Variants in NEBL observed in about 807,000 individuals in gnomAD.
NEBL encodes the protein LIM and SH3 protein 2.
Under a neutral mutation model 140.2 loss-of-function variants are expected in NEBL, and 122 were observed. That is an observed-to-expected ratio of 0.87 (90% CI 0.75 to 1.01). The LOEUF (loss-of-function observed/expected upper bound fraction) is 1.01, where lower values mean the gene tolerates loss of function less well. Ranked by LOEUF, NEBL falls within the 50% of genes least tolerant of loss-of-function variation. The pLI, the probability that NEBL is intolerant of heterozygous loss-of-function variation, is 0.00. For synonymous variants in NEBL, 436 were observed against 398.9 expected, an observed-to-expected ratio of 1.09 and a Z score of -1.11; for missense variants, 1,365 against 1,231.3, an observed-to-expected ratio of 1.11 and a Z score of -1.62.
At chr10:21,028,862 C>G (rs1833653489) in intron 2 of NEBL, 2 of 324,026 alleles carry the variant, frequency 6.2e-6, no homozygotes, top group East Asian at 1.2e-4. Context: ...ATTCAATAAT[C>G]ATAAAAATGT....
chr10:20,799,883 G>T (rs1029913692), intron 26 of NEBL, among the ~76,000 whole-genome samples: 1 of 151,928 alleles, frequency 6.6e-6, no homozygotes, highest in Non-Finnish European at 1.5e-5. Flanking sequence ...TGGTAAAATG[G>T]TTACTATAGT....
chr10:21,146,076 T>C (rs1025261059), intron 2 of NEBL, among the ~76,000 whole-genome samples: 1 of 152,074 alleles, frequency 6.6e-6, no homozygotes, highest in African/African-American at 2.4e-5. Context: ...CCAGGCACCA[T>C]GAATAGGGAA....
At position 20,888,194 on chromosome 10, in the gene NEBL, C is replaced by T. The variant is rs768721125; in HGVS notation, c.272G>A (p.Gly91Asp). 1.2e-6 allele frequency: 2 copies of T among 1,607,458 alleles called. No individual in the cohort carries two copies. Among genetic ancestry groups the T allele is most frequent in the Non-Finnish European group, 1.7e-6 (2 of 1,176,804 alleles). ...GAFISEAKYK[G>D]TIKADLSNSL... ...ATTAGAAAGGTCAGCTTTAATGGTG[C>T]CTTTGTATTTTGCCTGGGGGAAAAA... Residue 91 changes from glycine to aspartate, a missense_variant, in exon 4 of 28, where the codon GGC (glycine) becomes GAC (aspartate). Transcript: ENST00000377122.
chr10:21,213,771 CTATTT>C (rs889929184), intron 3 of NEBL, among the ~76,000 whole-genome samples: 3 of 152,106 alleles, frequency 2.0e-5, no homozygotes, highest in African/African-American at 7.2e-5. Flanking sequence ...ATAAATTATT[CTATTT>C]TTACTGCAAA....
At chr10:20,867,873 A>T (rs1844463010) in intron 7 of NEBL, 1 of 151,930 alleles carries the variant, frequency 6.6e-6, no homozygotes, top group Admixed American at 6.6e-5. Context: ...ATTCTATCCT[A>T]CTGATTATTT....
chr10:20,948,599 T>C (rs147713650), intron 4 of NEBL, among the ~76,000 whole-genome samples: 225 of 152,244 alleles, frequency 1.5e-3, no homozygotes, highest in African/African-American at 4.9e-3. Flanking sequence ...GGGGAATAAA[T>C]GGTTAACTGC....
In NEBL at chr10:21,122,776, T is replaced by C. The variant is rs73607597; in HGVS notation, c.164+49607A>G. On this transcript the variant is annotated intron_variant, in intron 2 of 6. Transcript: ENST00000417816. ...CCAGTAGAGATAGCAGTTGAAAATA[T>C]GACAGATCAATTTCCTAAGGAAAAG... Among the ~76,000 whole-genome samples the C allele has an allele frequency of 2.2e-3, 342 of 152,256 alleles. 1 individual carries two copies. Among genetic ancestry groups the C allele is most frequent in the African/African-American group, 7.3e-3 (304 of 41,564 alleles).
chr10:21,220,087 A>G (rs1024659679), intron 3 of NEBL, among the ~76,000 whole-genome samples: 4 of 151,634 alleles, frequency 2.6e-5, no homozygotes, highest in Admixed American at 2.0e-4. Flanking sequence ...TAATTTTTGT[A>G]TTTTTAGTAG....
intron 3 of NEBL, among the ~76,000 whole-genome samples, chr10:20,969,544 C>CTTTTTTTT (rs771623257): frequency 1.7e-5 from 2 of 115,752 alleles, no homozygotes; most frequent in African/African-American, 3.3e-5. Context: ...TTTTTCTTTT[C>CTTTTTTTT]TTTTTTTTTT....
intron 2 of NEBL, among the ~76,000 whole-genome samples, chr10:21,118,764 C>G (rs7087832): frequency 0.11 from 16,199 of 152,066 alleles, 914 homozygotes; most frequent in South Asian, 0.14. Flanking sequence ...TTAATAAAGC[C>G]ACTGATTAAG....
intron 3 of NEBL, among the ~76,000 whole-genome samples, chr10:21,014,197 C>T (rs190865717): frequency 6.6e-5 from 10 of 152,186 alleles, no homozygotes; most frequent in African/African-American, 1.9e-4. Flanking sequence ...GATCGTAGCT[C>T]ACTACAACCT....
rs529864834 is a variant in NEBL at position 20,826,694 on chromosome 10, T to C, written c.1777-155A>G. 6.6e-5 allele frequency among the ~76,000 whole-genome samples: 10 copies of C among 152,274 alleles called. No individual in the cohort carries two copies. In the South Asian group the frequency reaches 1.9e-3, roughly 28 times the overall value. ...TTATAGGAACAAATTAAATAATCCATTCAGATAATCCATGAAAACTTTGGT... is the reference window on the plus strand; with the variant it reads ...TTATAGGAACAAATTAAATAATCCACTCAGATAATCCATGAAAACTTTGGT... On this transcript the variant is annotated intron_variant, in intron 17 of 27. Transcript: ENST00000377122.
chr10:21,065,634 T>C (rs1835499028), intron 2 of NEBL, among the ~76,000 whole-genome samples: 1 of 152,214 alleles, frequency 6.6e-6, no homozygotes, highest in African/African-American at 2.4e-5. Flanking sequence ...CATCCACCTC[T>C]AGCATCTTCA....
intron 5 of NEBL, among the ~76,000 whole-genome samples, chr10:20,878,991 G>A (rs2131304218): frequency 6.6e-6 from 1 of 152,262 alleles, no homozygotes; most frequent in Admixed American, 6.5e-5. Flanking sequence ...CCTCACCCCA[G>A]ATCACCAGAC....
chr10:20,988,211 C>T (rs951668578), intron 3 of NEBL, among the ~76,000 whole-genome samples: 1 of 152,144 alleles, frequency 6.6e-6, no homozygotes, highest in African/African-American at 2.4e-5. Flanking sequence ...CTCTCTGGCT[C>T]CAGCTTATGA....
rs1842665437 is a variant in NEBL, at chr10:20,852,653, A to C, written c.904-4T>G. On this transcript the variant is annotated splice_polypyrimidine_tract_variant and splice_region_variant and intron_variant, in intron 9 of 27. Coordinates refer to ENST00000377122, the MANE Select transcript of NEBL (RefSeq NM_006393.3). Reference sequence around the variant, plus strand: ...CAAAGAGCTTTTTATATTCTCGCTAAAATACAGAATGGGGAAATCAACTTA... The same window carrying C: ...CAAAGAGCTTTTTATATTCTCGCTACAATACAGAATGGGGAAATCAACTTA... 6.3e-7 allele frequency: 1 copy of C among 1,593,868 alleles called. No homozygotes were observed. The highest frequency in any genetic ancestry group is 8.6e-7 in the Non-Finnish European group (1 of 1,162,188).
chr10:20,853,228 C>T (rs1351403802), intron 9 of NEBL, among the ~76,000 whole-genome samples: 2 of 152,090 alleles, frequency 1.3e-5, no homozygotes, highest in East Asian at 3.9e-4. Flanking sequence ...ATTGAGAAAT[C>T]TGGGAACAGT....
intron 2 of NEBL, among the ~76,000 whole-genome samples, chr10:21,089,782 ATCC>A (rs1416839654): frequency 4.6e-5 from 7 of 152,152 alleles, no homozygotes; most frequent in African/African-American, 1.7e-4. Context: ...TAAACATCAA[ATCC>A]TCCTCTGAAT....
chr10:21,283,452 C>G (rs369455292), intron 1 of NEBL, among the ~76,000 whole-genome samples: 2 of 152,262 alleles, frequency 1.3e-5, no homozygotes, highest in South Asian at 2.1e-4. Flanking sequence ...AACTTGCTTT[C>G]ACTTTACTCT....
Sources: gnomAD v4.1 joint callset for allele counts (sites outside exome capture counted in the v4.1 genomes callset) on GRCh38, gnomAD v4.1.1 for gene constraint, MANE v1.5 for transcripts, NCBI Gene and HGNC (gene_info 2026-07-23, HGNC 2026-07-21) for gene names.